The following TENM4 variants were observed in gnomAD, a reference collection of about 807,000 sequenced individuals.
TENM4 encodes teneurin transmembrane protein 4.
TENM4 carries 82 observed loss-of-function variants against 243.3 expected under a neutral mutation model. The ratio of observed to expected loss-of-function variants is 0.34; its 90% confidence interval spans 0.28 to 0.40. TENM4 has a LOEUF of 0.40. Ranked by LOEUF, TENM4 falls within the 10% of genes least tolerant of loss-of-function variation. The probability of loss-of-function intolerance (pLI) is 1.00; values close to 1 mark genes in which losing one functional copy is unlikely to be tolerated. For synonymous variants in TENM4, 1,412 were observed against 1,456.3 expected (o/e 0.97, Z 0.69); for missense variants, 3,138 against 3,673.3 (o/e 0.85, Z 3.77).
intron 6 of TENM4, among the ~76,000 whole-genome samples, chr11:78,932,537 G>C (rs1169108394): frequency 6.6e-6 from 1 of 152,196 alleles, no homozygotes; most frequent in Non-Finnish European, 1.5e-5. Context: ...TATTGAAAAG[G>C]AAGCACTAAC....
chr11:79,125,070 T>G (rs1200886332), intron 4 of TENM4, among the ~76,000 whole-genome samples: 6 of 151,746 alleles, frequency 4.0e-5, no homozygotes, highest in African/African-American at 1.2e-4. Context: ...CTTAATATGA[T>G]TAGACCCCAA....
At chr11:79,054,392 C>T (rs141231926) in intron 6 of TENM4, among the ~76,000 whole-genome samples, 25 of 152,224 alleles carry the variant, frequency 1.6e-4, no homozygotes, top group Non-Finnish European at 2.8e-4. Flanking sequence ...ACTAGGCCAA[C>T]AGTTTTTGAC....
chr11:78,692,735 G>T (rs1402327360), intron 28 of TENM4, among the ~76,000 whole-genome samples: 1 of 152,126 alleles, frequency 6.6e-6, no homozygotes, highest in Non-Finnish European at 1.5e-5. Context: ...TCTTCTCCCT[G>T]TATCTGCTTC....
chr11:78,692,890 G>C lies in TENM4; in HGVS notation c.5088-4664C>G, dbSNP rs532904144. The stretch of plus-strand genomic sequence containing the variant: ...AGATCAAATGTTATCACTTCAGTGA[G>C]GTCTTCCCTGACCACCGCTTCTAAG... On this transcript the variant is annotated intron_variant, in intron 28 of 33. Coordinates refer to ENST00000278550, the MANE Select transcript of TENM4 (RefSeq NM_001098816.3). Among the ~76,000 whole-genome samples the C allele has an allele frequency of 1.4e-4, 22 of 152,154 alleles. No individual in the cohort carries two copies. The South Asian group carries it at 1.7e-3, about 12-fold the overall frequency.
chr11:79,268,410 A>C (rs1002560130), intron 2 of TENM4, among the ~76,000 whole-genome samples: 2 of 152,200 alleles, frequency 1.3e-5, no homozygotes, highest in Non-Finnish European at 2.9e-5. Flanking sequence ...CATTTCAGCT[A>C]TCTGACACTG....
chr11:79,337,088 T>C (rs1184632977), intron 1 of TENM4, among the ~76,000 whole-genome samples: 1 of 152,242 alleles, frequency 6.6e-6, no homozygotes. Context: ...CCAGCAAAGC[T>C]AGCCTTTGAA....
chr11:78,938,576 T>C (rs928575165), intron 6 of TENM4, among the ~76,000 whole-genome samples: 1 of 152,206 alleles, frequency 6.6e-6, no homozygotes, highest in African/African-American at 2.4e-5. Flanking sequence ...ATATGCCCTC[T>C]ACTTATCATT....
intron 3 of TENM4, among the ~76,000 whole-genome samples, chr11:79,178,432 C>T (rs72935387): frequency 1.3e-4 from 19 of 150,928 alleles, no homozygotes; most frequent in South Asian, 8.4e-4. Flanking sequence ...CCTGGGGCAC[C>T]CCTGCATTCA....
chr11:79,440,217 G>T lies in TENM4; in HGVS notation c.-321+292C>A, dbSNP rs1417863311. 2.1e-5 allele frequency among the ~76,000 whole-genome samples: 3 copies of T among 142,422 alleles called. No individual in the cohort carries two copies. In the East Asian group the frequency reaches 7.1e-4, roughly 34 times the overall value. The allele number at this position is 142,422 out of a possible 152,430, so 93.4% of individuals were successfully genotyped here. A position where few individuals can be genotyped will look rare whatever the true frequency, so the allele number is the denominator to read the frequency against. ...GGGGCGCGCCGCCTCCCTCCCACCC[G>T]CTTCCCACCTCCCTGCCCTCCCCCA... is the stretch of plus-strand genomic sequence containing the variant. On this transcript the variant is annotated intron_variant, in intron 1 of 33. Transcript: ENST00000278550. This position sits in a 1 kb window ranked among gnomAD's most constrained non-coding sequence, Gnocchi z 4.7.
chr11:79,236,765 C>A (rs530916495), intron 2 of TENM4, among the ~76,000 whole-genome samples: 1 of 152,290 alleles, frequency 6.6e-6, no homozygotes, highest in South Asian at 2.1e-4. Flanking sequence ...CGGCGAGACC[C>A]AAGTTCTATG....
At chr11:78,966,064 T>C (rs1262682872) in intron 6 of TENM4, among the ~76,000 whole-genome samples, 3 of 152,096 alleles carry the variant, frequency 2.0e-5, no homozygotes, top group African/African-American at 7.2e-5. Context: ...TAGGGTCACA[T>C]TGAGAGTATG....
At position 78,743,493 on chromosome 11, in the gene TENM4, T is replaced by G. The variant is rs191337582; in HGVS notation, c.2757-4923A>C. 7.2e-5 allele frequency among the ~76,000 whole-genome samples: 11 copies of G among 152,306 alleles called. No individual in the cohort carries two copies. In the East Asian group the frequency reaches 2.1e-3, roughly 29 times the overall value. On this transcript the variant is annotated intron_variant, in intron 19 of 33. Coordinates refer to ENST00000278550, the MANE Select transcript of TENM4 (RefSeq NM_001098816.3). ...TGCAATGAATAAAGAGCTTATGTGC[T>G]TCTGTAACTTAAGGTGAGGGCGATG...
intron 17 of TENM4, among the ~76,000 whole-genome samples, chr11:78,771,604 A>G (rs1384461407): frequency 6.6e-6 from 1 of 152,212 alleles, no homozygotes; most frequent in African/African-American, 2.4e-5. Flanking sequence ...TCTGGGTATC[A>G]TTCTAAAGGG....
At chr11:78,811,926 A>G (rs1175257272) in intron 14 of TENM4, among the ~76,000 whole-genome samples, 196 bp downstream of exon 14, 1 of 152,132 alleles carries the variant, frequency 6.6e-6, no homozygotes, top group Non-Finnish European at 1.5e-5. Context: ...TCTCCCCTTC[A>G]TTGACCAGGA....
intron 10 of TENM4, among the ~76,000 whole-genome samples, chr11:78,858,164 C>T (rs181101159): frequency 2.2e-4 from 34 of 152,304 alleles, no homozygotes; most frequent in African/African-American, 7.7e-4. Flanking sequence ...TTCATTTTCT[C>T]CCTCAATGAG....
At chr11:78,973,812 T>A (rs1857595641) in intron 6 of TENM4, among the ~76,000 whole-genome samples, 1 of 151,712 alleles carries the variant, frequency 6.6e-6, no homozygotes, top group Non-Finnish European at 1.5e-5. Flanking sequence ...TAATACAAAG[T>A]TGATGGCATG....
At chr11:79,124,814 T>C (rs1311913509) in intron 4 of TENM4, among the ~76,000 whole-genome samples, 1 of 146,494 alleles carries the variant, frequency 6.8e-6, no homozygotes, top group East Asian at 2.0e-4. Flanking sequence ...TATGTGTATA[T>C]ATATGTATAT....
At chr11:79,266,495 G>A (rs1855885710) in intron 2 of TENM4, among the ~76,000 whole-genome samples, 1 of 152,208 alleles carries the variant, frequency 6.6e-6, no homozygotes, top group South Asian at 2.1e-4. Flanking sequence ...AGGAGCTCCT[G>A]TGCCCCAGAG....
intron 6 of TENM4, among the ~76,000 whole-genome samples, chr11:78,940,514 G>A (rs1350444137): frequency 6.6e-6 from 1 of 152,230 alleles, no homozygotes; most frequent in African/African-American, 2.4e-5. Context: ...TCTCTTGGAA[G>A]GACTAGCAGA....
Sources: allele counts gnomAD v4.1 joint callset (sites outside exome capture counted in the v4.1 genomes callset), GRCh38; gene constraint gnomAD v4.1.1; non-coding constraint Gnocchi (gnomAD v3.1); transcripts MANE v1.5; gene names NCBI Gene and HGNC (gene_info 2026-07-23, HGNC 2026-07-21).